The following SOX5 variants were observed in gnomAD, a reference collection of about 807,000 sequenced individuals.
SOX5 encodes the protein transcription factor SOX-5.
Under a neutral mutation model 92.0 loss-of-function variants are expected in SOX5, and 9 were observed. The observed-to-expected ratio is 0.10, with a 90% CI of 0.06 to 0.17. SOX5 has a LOEUF of 0.17. Among genes scored for constraint, SOX5 ranks in the 10% least tolerant of loss-of-function variants. The pLI, the probability that SOX5 is intolerant of heterozygous loss-of-function variation, is 1.00. For missense variants in SOX5, 642 were observed against 944.5 expected (o/e 0.68, Z 4.20); for synonymous variants, 344 against 336.3 (o/e 1.02, Z -0.25).
chr12:23,957,196 G>C (rs1946381671), intron 4 of SOX5, among the ~76,000 whole-genome samples: 1 of 152,016 alleles, frequency 6.6e-6, no homozygotes, highest in Non-Finnish European at 1.5e-5. Context: ...AGCAATATAA[G>C]ACAGTGAGGA....
chr12:23,771,187 C>CAAAAAAAAAA (rs376988688), intron 3 of SOX5, among the ~76,000 whole-genome samples: 22 of 108,562 alleles, frequency 2.0e-4, no homozygotes, highest in Non-Finnish European at 2.7e-4. Context: ...AAAAATGGAG[C>CAAAAAAAAAA]AAAAAAAAAA....
chr12:24,385,647 G>T (rs1180572143), intron 1 of SOX5, among the ~76,000 whole-genome samples: 3 of 152,028 alleles, frequency 2.0e-5, no homozygotes, highest in Non-Finnish European at 4.4e-5. Flanking sequence ...CTTTAAATTT[G>T]ATGTTTTATC....
chr12:24,147,272 AG>A (rs1036628137), intron 4 of SOX5, among the ~76,000 whole-genome samples: 1 of 152,214 alleles, frequency 6.6e-6, no homozygotes, highest in African/African-American at 2.4e-5. Flanking sequence ...CAGGAATGCA[AG>A]GTTGTTTTAA....
intron 4 of SOX5, among the ~76,000 whole-genome samples, chr12:24,091,292 G>A (rs766764650): frequency 6.6e-6 from 1 of 152,030 alleles, no homozygotes; most frequent in Non-Finnish European, 1.5e-5. Flanking sequence ...ACCAAGTTAC[G>A]ATATATTATT....
chr12:24,042,726 T>C (rs1366764767), intron 4 of SOX5, among the ~76,000 whole-genome samples: 1 of 152,174 alleles, frequency 6.6e-6, no homozygotes, highest in African/African-American at 2.4e-5. Flanking sequence ...GGTGTGTACT[T>C]GCACTGAGAA....
chr12:23,575,612 C>A (rs750554832), intron 10 of SOX5, 49 bp downstream of exon 10: 21 of 1,559,178 alleles, frequency 1.3e-5, no homozygotes, highest in Non-Finnish European at 1.7e-5. Flanking sequence ...TGATTCCATT[C>A]AATAGCCATA....
At chr12:23,836,068 T>A (rs76119118) in intron 3 of SOX5, among the ~76,000 whole-genome samples, 2 of 151,810 alleles carry the variant, frequency 1.3e-5, no homozygotes, top group Non-Finnish European at 2.9e-5. Context: ...GGTAACAATT[T>A]ATATATAGTA....
intron 7 of SOX5, among the ~76,000 whole-genome samples, chr12:23,649,433 AC>A (rs1255781398): frequency 5.9e-5 from 9 of 152,122 alleles, no homozygotes; most frequent in Non-Finnish European, 1.3e-4. Context: ...GAAAACTTTG[AC>A]TTTTAAAGTT....
intron 4 of SOX5, among the ~76,000 whole-genome samples, chr12:23,967,022 T>C (rs1947663957): frequency 1.3e-5 from 2 of 152,160 alleles, no homozygotes; most frequent in South Asian, 2.1e-4. Context: ...GTTTAACCCA[T>C]AGTCAATTAT....
At chr12:23,781,846 C>T (rs571495184) in intron 3 of SOX5, among the ~76,000 whole-genome samples, 3 of 151,958 alleles carry the variant, frequency 2.0e-5, no homozygotes, top group African/African-American at 7.2e-5. Flanking sequence ...AAATTAAAGG[C>T]CAAATACAGA....
At chr12:23,780,866 A>G (rs2095263398) in intron 3 of SOX5, among the ~76,000 whole-genome samples, 1 of 152,068 alleles carries the variant, frequency 6.6e-6, no homozygotes, top group African/African-American at 2.4e-5. Flanking sequence ...GTATGCTGGT[A>G]GGGAGTGGCA....
At chr12:24,269,578 A>G (rs1280382040) in intron 3 of SOX5, among the ~76,000 whole-genome samples, 1 of 152,172 alleles carries the variant, frequency 6.6e-6, no homozygotes, top group Non-Finnish European at 1.5e-5. Context: ...AGAAGTACTC[A>G]AAATATATGT....
At chr12:23,605,983 G>A (rs1395010912) in intron 8 of SOX5, among the ~76,000 whole-genome samples, 1 of 151,868 alleles carries the variant, frequency 6.6e-6, no homozygotes, top group Non-Finnish European at 1.5e-5. Flanking sequence ...CAACTGGAAA[G>A]AATAAAAATG....
chr12:24,507,219 A>G (rs1301747972), intron 1 of SOX5, among the ~76,000 whole-genome samples: 1 of 152,098 alleles, frequency 6.6e-6, no homozygotes, highest in Non-Finnish European at 1.5e-5. Flanking sequence ...GGTGACTCTG[A>G]TGAGGGACAA....
At chr12:23,793,159 G>T (rs1226157232) in intron 3 of SOX5, among the ~76,000 whole-genome samples, 4 of 152,120 alleles carry the variant, frequency 2.6e-5, no homozygotes, top group Non-Finnish European at 5.9e-5. Context: ...AAAATAAGTA[G>T]ATATACATTT....
chr12:24,544,811 A>T (rs1019827059), intron 1 of SOX5, among the ~76,000 whole-genome samples: 1 of 152,192 alleles, frequency 6.6e-6, no homozygotes, highest in African/African-American at 2.4e-5. Flanking sequence ...CTTTGTCCCC[A>T]TTTGGTACAT....
intron 2 of SOX5, among the ~76,000 whole-genome samples, chr12:24,328,701 A>G (rs1192556816): frequency 6.6e-6 from 1 of 152,254 alleles, no homozygotes; most frequent in East Asian, 1.9e-4. Flanking sequence ...TTAAAGTAAC[A>G]ATGGAAATGG....
intron 11 of SOX5, among the ~76,000 whole-genome samples, chr12:23,552,610 T>C (rs1944418551): frequency 6.6e-6 from 1 of 151,924 alleles, no homozygotes; most frequent in Non-Finnish European, 1.5e-5. Flanking sequence ...GAGATAGAGT[T>C]TGGCCATATG....
At chr12:23,985,692 A>C (rs923988090) in intron 4 of SOX5, among the ~76,000 whole-genome samples, 1 of 152,028 alleles carries the variant, frequency 6.6e-6, no homozygotes, top group South Asian at 2.1e-4. Context: ...AAAAGCAAAA[A>C]GGAAACTGTA....
Sources: gnomAD v4.1 joint callset for allele counts (sites outside exome capture counted in the v4.1 genomes callset) on GRCh38, gnomAD v4.1.1 for gene constraint, MANE v1.5 for transcripts, NCBI Gene and HGNC (gene_info 2026-07-23, HGNC 2026-07-21) for gene names.